Variants in UGT1A3 observed in about 807,000 individuals in gnomAD.
UGT1A3 encodes UDP-glucuronosyltransferase 1A3.
A neutral mutation model predicts 41.0 loss-of-function variants in UGT1A3; 31 were observed. That is an observed-to-expected ratio of 0.76 (90% confidence interval 0.57 to 1.02). The LOEUF (loss-of-function observed/expected upper bound fraction) is 1.02, where lower values mean the gene tolerates loss of function less well. Among genes scored for constraint, UGT1A3 ranks in the 50% least tolerant of loss-of-function variants. UGT1A3 has a pLI of 0.00. For synonymous variants in UGT1A3, 262 were observed against 257.6 expected (o/e 1.02, Z -0.17); for missense variants, 737 against 671.0 (o/e 1.10, Z -1.09).
chr2:233,751,416 G>A (rs1308291640), intron 1 of UGT1A3, among the ~76,000 whole-genome samples: 3 of 152,160 alleles, frequency 2.0e-5, no homozygotes, highest in African/African-American at 4.8e-5. Flanking sequence ...GGACTTTTGA[G>A]CTAGTGCTGA....
intron 1 of UGT1A3, among the ~76,000 whole-genome samples, chr2:233,738,389 G>A (rs1690778060): frequency 6.6e-6 from 1 of 152,226 alleles, no homozygotes; most frequent in Non-Finnish European, 1.5e-5. Context: ...AAATGTGGAA[G>A]TGACTTGGAA....
intron 1 of UGT1A3, among the ~76,000 whole-genome samples, chr2:233,745,315 A>G (rs1693069084): frequency 2.0e-5 from 3 of 151,844 alleles, no homozygotes; most frequent in African/African-American, 4.9e-5. Flanking sequence ...GATTATTTCC[A>G]CTAGAACTGC....
intron 1 of UGT1A3, among the ~76,000 whole-genome samples, chr2:233,734,500 T>C (rs1353975752): frequency 6.6e-6 from 1 of 152,210 alleles, no homozygotes; most frequent in Non-Finnish European, 1.5e-5. Context: ...GGTTTTTTTG[T>C]GTCTCTATCT....
At chr2:233,740,833 TA>T (rs1691486291) in intron 1 of UGT1A3, 1 of 151,930 alleles carries the variant, frequency 6.6e-6, no homozygotes. Context: ...TGAGACATTT[TA>T]AAAGGAGATT....
intron 1 of UGT1A3, among the ~76,000 whole-genome samples, chr2:233,761,362 C>T (rs1697754061): frequency 6.6e-6 from 1 of 152,198 alleles, no homozygotes. Flanking sequence ...GAAAGCATTC[C>T]TTGGACATTT....
At chr2:233,736,661 C>T (rs568296788) in intron 1 of UGT1A3, among the ~76,000 whole-genome samples, 1 of 152,264 alleles carries the variant, frequency 6.6e-6, no homozygotes, top group Admixed American at 6.5e-5. Flanking sequence ...GTTTTATGTA[C>T]CTTAGGTCTT....
intron 1 of UGT1A3, chr2:233,743,646 A>C (rs754114212): frequency 1.5e-6 from 2 of 1,367,250 alleles, no homozygotes; most frequent in Admixed American, 3.8e-5. Context: ...CGGAAGCTGA[A>C]GACGTACTCG....
chr2:233,751,453 T>C (rs1694732697), intron 1 of UGT1A3, among the ~76,000 whole-genome samples: 2 of 152,190 alleles, frequency 1.3e-5, no homozygotes, highest in African/African-American at 4.8e-5. Flanking sequence ...GGAAGATTGT[T>C]GGGAAGGCAC....
At chr2:233,736,756 T>G (rs535805323) in intron 1 of UGT1A3, among the ~76,000 whole-genome samples, 1 of 152,338 alleles carries the variant, frequency 6.6e-6, no homozygotes, top group Non-Finnish European at 1.5e-5. Context: ...TTGTTAGTTT[T>G]CCTTCTAACA....
Position 233,769,767 on chromosome 2 carries a change from A to T in UGT1A3, c.1307+1328A>T. On this transcript the variant is annotated intron_variant, in intron 4 of 4. Transcript: ENST00000482026. The surrounding 1 kb of genome is among the most constrained non-coding windows in gnomAD (Gnocchi z 4.4). The stretch of plus-strand genomic sequence containing the variant: ...CCACTCTGGAGGCTAAGGCGGGAGG[A>T]TTGCTTGAGCCCAGAAGTTGGAGGC... The T allele has an allele frequency of 7.3e-7, 1 of 1,374,514 alleles. No individual in the cohort carries two copies. Among genetic ancestry groups the T allele is most frequent in the Non-Finnish European group, 9.5e-7 (1 of 1,054,322 alleles). The allele number at this position is 1,374,514 out of a possible 1,614,324, so 85.1% of individuals were successfully genotyped here. A position where few individuals can be genotyped will look rare whatever the true frequency, so the allele number is the denominator to read the frequency against.
At position 233,729,225 on chromosome 2, in the gene UGT1A3, G is replaced by A. The variant is rs376743890; in HGVS notation, c.99G>A (p.Val33=). The A allele has an allele frequency of 3.7e-6, 6 of 1,614,040 alleles. No individual in the cohort carries two copies. The highest frequency in any genetic ancestry group is 1.7e-5 in the Admixed American group (1 of 60,002). Residue 33 remains valine (V), a synonymous_variant, in exon 1 of 5, where the codon GTG becomes GTA. Coordinates refer to ENST00000482026, the MANE Select transcript of UGT1A3 (RefSeq NM_019093.4). The part of the protein sequence containing the change: ...QPWAESGKVL[V]VPIDGSHWLS... The stretch of plus-strand genomic sequence containing the variant: ...GGGCTGAGAGTGGAAAGGTGTTGGT[G>A]GTGCCCATTGATGGCAGCCACTGGC...
intron 1 of UGT1A3, among the ~76,000 whole-genome samples, chr2:233,763,609 C>T (rs1698356254): frequency 6.6e-6 from 1 of 152,206 alleles, no homozygotes; most frequent in Non-Finnish European, 1.5e-5. Context: ...TGCCACTCTG[C>T]ACTACCATTC....
At position 233,747,622 on chromosome 2, in the gene UGT1A3, T is replaced by C. The variant is rs1257068913; in HGVS notation, c.867+17629T>C. On this transcript the variant is annotated intron_variant, in intron 1 of 4. Coordinates refer to ENST00000482026, the MANE Select transcript of UGT1A3 (RefSeq NM_019093.4). ...GTGGAGCTACTGCATAATGAGGCCC[T>C]GATCAGGCACCTGAATGCTACTTCC... The C allele has an allele frequency of 4.4e-6, 7 of 1,577,454 alleles. No individual in the cohort carries two copies. The African/African-American group carries it at 8.2e-5, about 18-fold the overall frequency.
At chr2:233,730,412 A>G (rs2078028510) in intron 1 of UGT1A3, among the ~76,000 whole-genome samples, 1 of 152,204 alleles carries the variant, frequency 6.6e-6, no homozygotes, top group Non-Finnish European at 1.5e-5. Flanking sequence ...AATTGTTGAC[A>G]TGATAATTTT....
intron 1 of UGT1A3, chr2:233,747,528 T>C: frequency 6.2e-7 from 1 of 1,605,898 alleles, no homozygotes; most frequent in Non-Finnish European, 8.5e-7. Context: ...AACAGAACAT[T>C]TTCTGAAGAC....
chr2:233,743,573 A>G (rs765598613), intron 1 of UGT1A3: 1 of 1,367,260 alleles, frequency 7.3e-7, no homozygotes, highest in South Asian at 1.1e-5. Context: ...CGGGTTTCCC[A>G]AGAGGTCAAA....
rs1692921739 is a variant in UGT1A3 at position 233,744,781 on chromosome 2, G to GA, written c.867+14793dup. Among the ~76,000 whole-genome samples the GA allele has an allele frequency of 2.0e-5, 3 of 151,856 alleles. No individual in the cohort carries two copies. The South Asian group carries it at 6.2e-4, about 31-fold the overall frequency. On this transcript the variant is annotated intron_variant, in intron 1 of 4. Coordinates refer to ENST00000482026, the MANE Select transcript of UGT1A3 (RefSeq NM_019093.4). ...AGTTTTAACTTTGCAAAATTCTCCTGAAAAATTCTTGGGGATCCCTAGGAT... is the reference window on the plus strand; with the variant it reads ...AGTTTTAACTTTGCAAAATTCTCCTGAAAAAATTCTTGGGGATCCCTAGGAT...
intron 1 of UGT1A3, among the ~76,000 whole-genome samples, chr2:233,737,011 AG>A (rs2078834177): frequency 1.3e-5 from 2 of 152,192 alleles, no homozygotes; most frequent in Non-Finnish European, 2.9e-5. Context: ...CCGCTTGAGG[AG>A]GCAGTCTGTC....
At chr2:233,751,528 T>C (rs1694749369) in intron 1 of UGT1A3, among the ~76,000 whole-genome samples, 1 of 152,240 alleles carries the variant, frequency 6.6e-6, no homozygotes, top group Admixed American at 6.5e-5. Context: ...ATGATATGGT[T>C]TGACTCTGTG....
Sources: allele counts gnomAD v4.1 joint callset (sites outside exome capture counted in the v4.1 genomes callset), GRCh38; gene constraint gnomAD v4.1.1; non-coding constraint Gnocchi (gnomAD v3.1); transcripts MANE v1.5; gene names NCBI Gene and HGNC (gene_info 2026-07-23, HGNC 2026-07-21).